KCNIP4: variants seen among roughly 807,000 people sequenced by gnomAD.
KCNIP4 encodes the protein potassium voltage-gated channel interacting protein 4.
A neutral mutation model predicts 34.0 loss-of-function variants in KCNIP4; 12 were observed. That is an observed-to-expected ratio of 0.35 (90% confidence interval 0.23 to 0.57). The LOEUF is 0.57. Ranked by LOEUF, KCNIP4 falls within the 20% of genes least tolerant of loss-of-function variation. The probability of loss-of-function intolerance (pLI) is 0.83; values close to 1 mark genes in which losing one functional copy is unlikely to be tolerated. For synonymous variants in KCNIP4, 124 were observed against 102.2 expected, an observed-to-expected ratio of 1.21 and a Z score of -1.29; for missense variants, 238 against 311.7, an observed-to-expected ratio of 0.76 and a Z score of 1.78.
chr4:21,409,833 A>G (rs1268919510), intron 1 of KCNIP4, among the ~76,000 whole-genome samples: 1 of 152,108 alleles, frequency 6.6e-6, no homozygotes, highest in Admixed American at 6.5e-5. Flanking sequence ...TTTCATGGGG[A>G]ATTTGAGATT....
chr4:21,307,058 G>A (rs1476444683), intron 1 of KCNIP4, among the ~76,000 whole-genome samples: 11 of 152,124 alleles, frequency 7.2e-5, no homozygotes, highest in Admixed American at 3.3e-4. Context: ...CCGACATCAG[G>A]TGATATGCCC....
chr4:21,741,631 T>A (rs940283202), intron 1 of KCNIP4, among the ~76,000 whole-genome samples: 1 of 152,154 alleles, frequency 6.6e-6, no homozygotes, highest in African/African-American at 2.4e-5. Flanking sequence ...GGCAATTTTA[T>A]GAAAACAATA....
chr4:20,758,750 A>G, intron 4 of KCNIP4, 71 bp downstream of exon 4: 1 of 1,173,638 alleles, frequency 8.5e-7, no homozygotes, highest in South Asian at 1.3e-5. Context: ...ATGCTATGAA[A>G]AATTAAACTC....
At chr4:21,707,309 C>T (rs79157234) in intron 1 of KCNIP4, among the ~76,000 whole-genome samples, 2,580 of 152,144 alleles carry the variant, frequency 0.017, 71 homozygotes, top group African/African-American at 0.051. Flanking sequence ...AATAGATTCA[C>T]AGAAGTATCT....
At chr4:21,519,739 T>TA (rs1735310487) in intron 1 of KCNIP4, among the ~76,000 whole-genome samples, 2 of 118,658 alleles carry the variant, frequency 1.7e-5, no homozygotes, top group Admixed American at 8.6e-5. Context: ...TGTATATGTA[T>TA]GATACACACG....
At chr4:21,216,340 A>G (rs1757575502) in intron 1 of KCNIP4, among the ~76,000 whole-genome samples, 1 of 152,202 alleles carries the variant, frequency 6.6e-6, no homozygotes, top group South Asian at 2.1e-4. Flanking sequence ...ATTTGCTTTC[A>G]CTATATGTAA....
intron 1 of KCNIP4, among the ~76,000 whole-genome samples, chr4:20,899,922 T>C (rs1193528682): frequency 6.6e-6 from 1 of 152,200 alleles, no homozygotes; most frequent in African/African-American, 2.4e-5. Context: ...TGGAACTAAA[T>C]TTTTAATCCT....
rs576873060 is a variant in KCNIP4 at position 21,942,175 on chromosome 4, G to A, written c.61+6396C>T. On this transcript the variant is annotated intron_variant, in intron 1 of 8. Transcript: ENST00000382152. ...GGAAATGGGTGTATATACACTGAAT[G>A]ACATCTCCATGCCTTTTTAAATTTT... 3.3e-5 allele frequency among the ~76,000 whole-genome samples: 5 copies of A among 152,300 alleles called. No individual in the cohort carries two copies. The East Asian group carries it at 7.7e-4, about 24-fold the overall frequency.
intron 1 of KCNIP4, among the ~76,000 whole-genome samples, chr4:21,197,592 T>A (rs1291136738): frequency 6.6e-6 from 1 of 152,126 alleles, no homozygotes; most frequent in Non-Finnish European, 1.5e-5. Flanking sequence ...TTAGTTTCCA[T>A]AAATACAGCA....
At chr4:20,838,367 T>G (rs1267691673) in intron 3 of KCNIP4, among the ~76,000 whole-genome samples, 2 of 152,174 alleles carry the variant, frequency 1.3e-5, no homozygotes, top group African/African-American at 4.8e-5. Context: ...CTAAGGAAAC[T>G]TTTTAGGAAT....
intron 1 of KCNIP4, among the ~76,000 whole-genome samples, chr4:21,448,640 A>C (rs752018025): frequency 6.6e-6 from 1 of 152,164 alleles, no homozygotes; most frequent in Non-Finnish European, 1.5e-5. Context: ...CCCAATATAC[A>C]AAAAATGCTA....
intron 1 of KCNIP4, among the ~76,000 whole-genome samples, chr4:21,754,712 T>C (rs1358417445): frequency 1.3e-5 from 2 of 152,144 alleles, no homozygotes; most frequent in Non-Finnish European, 2.9e-5. Flanking sequence ...CTGTCAACTC[T>C]AGGATGGGAT....
intron 1 of KCNIP4, among the ~76,000 whole-genome samples, chr4:21,942,619 G>A (rs1394335784): frequency 6.6e-6 from 1 of 152,206 alleles, no homozygotes; most frequent in Admixed American, 6.5e-5. Flanking sequence ...AAGACATGGA[G>A]CCAAAAGTCA....
chr4:20,837,795 C>T (rs1719245084), intron 3 of KCNIP4, among the ~76,000 whole-genome samples: 1 of 151,294 alleles, frequency 6.6e-6, no homozygotes, highest in South Asian at 2.1e-4. Flanking sequence ...AATTCTCATG[C>T]CTCAGCCTCC....
At chr4:21,022,451 C>T (rs1339338433) in intron 1 of KCNIP4, among the ~76,000 whole-genome samples, 5 of 152,188 alleles carry the variant, frequency 3.3e-5, no homozygotes, top group African/African-American at 1.2e-4. Flanking sequence ...CATATTATAG[C>T]CAGGGGTGGC....
At chr4:20,854,434 A>G (rs934403790) in intron 2 of KCNIP4, among the ~76,000 whole-genome samples, 8 of 152,166 alleles carry the variant, frequency 5.3e-5, no homozygotes, top group Admixed American at 5.2e-4. Context: ...TGTGTGAGCT[A>G]AGCTATGAGA....
chr4:21,011,211 C>A (rs773718551), intron 1 of KCNIP4, among the ~76,000 whole-genome samples: 76 of 152,180 alleles, frequency 5.0e-4, no homozygotes, highest in Admixed American at 6.5e-4. Context: ...ATGATTCTTA[C>A]TCATTAACTT....
At chr4:21,020,629 A>G (rs1447096313) in intron 1 of KCNIP4, among the ~76,000 whole-genome samples, 5 of 152,270 alleles carry the variant, frequency 3.3e-5, no homozygotes, top group Admixed American at 6.5e-5. Flanking sequence ...GCTTTTTAAA[A>G]ACAATTACTT....
intron 1 of KCNIP4, among the ~76,000 whole-genome samples, chr4:21,326,735 G>C (rs1715108936): frequency 6.7e-6 from 1 of 149,922 alleles, no homozygotes; most frequent in Non-Finnish European, 1.5e-5. Context: ...CTTCCTTTCT[G>C]TCTTCCTTTT....
Sources: allele counts gnomAD v4.1 joint callset (sites outside exome capture counted in the v4.1 genomes callset), GRCh38; gene constraint gnomAD v4.1.1; transcripts MANE v1.5; gene names NCBI Gene and HGNC (gene_info 2026-07-23, HGNC 2026-07-21).